Variants in BTBD9 observed in about 807,000 individuals in gnomAD.
BTBD9 encodes the protein BTB/POZ domain-containing protein 9.
BTBD9 carries 49 observed loss-of-function variants against 64.3 expected under a neutral mutation model. The ratio of observed to expected loss-of-function variants is 0.76; its 90% CI spans 0.61 to 0.97. The LOEUF (loss-of-function observed/expected upper bound fraction) is 0.97. BTBD9 is among the 50% of genes least tolerant of loss of function. The probability of loss-of-function intolerance (pLI) is 0.00; values close to 1 mark genes in which losing one functional copy is unlikely to be tolerated. For synonymous variants in BTBD9, 260 were observed against 274.7 expected (o/e 0.95, Z 0.53); for missense variants, 598 against 762.1 (o/e 0.78, Z 2.53).
At chr6:38,482,576 TTA>T (rs1471313012) in intron 6 of BTBD9, 1 of 152,206 alleles carries the variant, frequency 6.6e-6, no homozygotes, top group Admixed American at 6.5e-5. Flanking sequence ...TGTGTAGCTG[TTA>T]TATGAGTCCT....
intron 6 of BTBD9, among the ~76,000 whole-genome samples, chr6:38,549,320 T>C (rs1774692859): frequency 6.6e-6 from 1 of 152,236 alleles, no homozygotes; most frequent in Admixed American, 6.5e-5. Flanking sequence ...CACTCAACAC[T>C]GTGCTAGCAC....
At chr6:38,372,733 C>CATT (rs1765476159) in intron 6 of BTBD9, among the ~76,000 whole-genome samples, 1 of 152,204 alleles carries the variant, frequency 6.6e-6, no homozygotes, top group African/African-American at 2.4e-5. Context: ...ATTCAGACGA[C>CATT]ATAAGCCTCT....
chr6:38,387,216 G>A (rs1766211037), intron 6 of BTBD9, among the ~76,000 whole-genome samples: 1 of 152,162 alleles, frequency 6.6e-6, no homozygotes, highest in South Asian at 2.1e-4. Flanking sequence ...TTGTTACAGG[G>A]AGAGACTATA....
intron 6 of BTBD9, among the ~76,000 whole-genome samples, chr6:38,567,649 C>T (rs1026546289): frequency 4.3e-4 from 66 of 152,116 alleles, no homozygotes; most frequent in African/African-American, 1.5e-3. Flanking sequence ...TGGCACTCTG[C>T]CCAGATTTTC....
At chr6:38,607,012 C>G (rs897790050) in intron 1 of BTBD9, among the ~76,000 whole-genome samples, 2 of 152,128 alleles carry the variant, frequency 1.3e-5, no homozygotes, top group African/African-American at 4.8e-5. Flanking sequence ...CAGCAGTTCT[C>G]AAACTTTAAC....
intron 9 of BTBD9, among the ~76,000 whole-genome samples, chr6:38,234,527 C>T (rs1763715618): frequency 2.0e-5 from 3 of 152,182 alleles, no homozygotes; most frequent in African/African-American, 7.2e-5. Context: ...CAAGGCAACA[C>T]ACATTAGAAG....
intron 6 of BTBD9, among the ~76,000 whole-genome samples, chr6:38,386,630 C>CTTTTTT (rs11423572): frequency 3.2e-5 from 3 of 92,782 alleles, no homozygotes; most frequent in African/African-American, 4.5e-5. Context: ...CCAGTTTACT[C>CTTTTTT]TTTTTTTTTT....
At chr6:38,314,494 C>T (rs1168908117) in intron 7 of BTBD9, among the ~76,000 whole-genome samples, 2 of 152,080 alleles carry the variant, frequency 1.3e-5, no homozygotes, top group African/African-American at 4.8e-5. Context: ...TGGAAGTATT[C>T]TCTCCACCTT....
intron 6 of BTBD9, among the ~76,000 whole-genome samples, chr6:38,550,478 G>A (rs1273736313): frequency 2.0e-5 from 3 of 151,624 alleles, no homozygotes; most frequent in Non-Finnish European, 4.4e-5. Flanking sequence ...CACCACACCC[G>A]GCTAATTTTT....
intron 6 of BTBD9, among the ~76,000 whole-genome samples, chr6:38,460,359 A>T (rs534922470): frequency 2.6e-5 from 4 of 152,342 alleles, no homozygotes; most frequent in Non-Finnish European, 2.9e-5. Context: ...CTACCCAGGA[A>T]TCTGACAACA....
chr6:38,535,029 A>G (rs937826746), intron 6 of BTBD9, among the ~76,000 whole-genome samples: 19 of 152,032 alleles, frequency 1.2e-4, no homozygotes, highest in Admixed American at 1.1e-3. Context: ...GAGCAATCAG[A>G]TAACAGAAAG....
intron 9 of BTBD9, among the ~76,000 whole-genome samples, chr6:38,195,677 A>G (rs1190268139): frequency 7.2e-5 from 11 of 152,258 alleles, no homozygotes; most frequent in South Asian, 2.1e-4. Context: ...ATTATGTCCA[A>G]TTTAAATATG....
intron 6 of BTBD9, chr6:38,571,598 G>A (rs1775770750): frequency 6.6e-6 from 1 of 152,206 alleles, no homozygotes; most frequent in Non-Finnish European, 1.5e-5. Context: ...GTCTCCCACA[G>A]TAGACCAGCT....
intron 6 of BTBD9, among the ~76,000 whole-genome samples, chr6:38,411,950 C>T (rs939272421): frequency 6.6e-6 from 1 of 151,938 alleles, no homozygotes; most frequent in African/African-American, 2.4e-5. Context: ...TATGTGTACA[C>T]ACATACACAC....
intron 6 of BTBD9, among the ~76,000 whole-genome samples, chr6:38,450,416 G>A (rs1769476679): frequency 1.3e-5 from 2 of 152,200 alleles, no homozygotes; most frequent in African/African-American, 4.8e-5. Context: ...TGGATGTTAT[G>A]TGTTCTCACT....
chr6:38,382,086 T>A (rs1176819300), intron 6 of BTBD9, among the ~76,000 whole-genome samples: 1 of 152,150 alleles, frequency 6.6e-6, no homozygotes, highest in East Asian at 1.9e-4. Context: ...TGGAACCTAA[T>A]TAAAACCCTT....
chr6:38,410,127 T>C lies in BTBD9; in HGVS notation c.1155-65034A>G, dbSNP rs549730805. Reference sequence around the variant, plus strand: ...GAGTTTTTATTTGAATATGTTTACATAGTTGATAAAATCCAAAACATCTAT... The same window carrying C: ...GAGTTTTTATTTGAATATGTTTACACAGTTGATAAAATCCAAAACATCTAT... On this transcript the variant is annotated intron_variant, in intron 6 of 10. Transcript: ENST00000481247. Among the ~76,000 whole-genome samples, 61 of 152,342 alleles carry C rather than the reference T, an allele frequency of 4.0e-4. 1 individual carries two copies. The highest frequency in any genetic ancestry group is 1.1e-3 in the African/African-American group (46 of 41,590).
chr6:38,505,426 A>AT (rs1772427987), intron 6 of BTBD9, among the ~76,000 whole-genome samples: 1 of 151,990 alleles, frequency 6.6e-6, no homozygotes, highest in Non-Finnish European at 1.5e-5. Flanking sequence ...GGAGTTTGAG[A>AT]TTAGCGAGGC....
intron 10 of BTBD9, among the ~76,000 whole-genome samples, chr6:38,175,658 G>A (rs552269456): frequency 1.7e-4 from 26 of 152,178 alleles, no homozygotes; most frequent in Non-Finnish European, 2.9e-4. Flanking sequence ...TTGTCTCTGG[G>A]TATTCTGGTT....
Sources: gnomAD v4.1 joint callset for allele counts (sites outside exome capture counted in the v4.1 genomes callset) on GRCh38, gnomAD v4.1.1 for gene constraint, MANE v1.5 for transcripts, NCBI Gene and HGNC (gene_info 2026-07-23, HGNC 2026-07-21) for gene names.